The following FAM168B variants were observed in gnomAD, a reference collection of about 807,000 sequenced individuals.
FAM168B encodes the protein myelin-associated neurite-outgrowth inhibitor.
A neutral mutation model predicts 21.8 loss-of-function variants in FAM168B; 19 were observed. The observed-to-expected ratio is 0.87, with a 90% CI of 0.61 to 1.28. FAM168B has a LOEUF of 1.28. FAM168B is among the 50% of genes most tolerant of loss of function. The pLI is 0.00. For missense variants in FAM168B, 233 were observed against 263.1 expected (o/e 0.89, Z 0.79); for synonymous variants, 126 against 104.8 (o/e 1.20, Z -1.24).
intron 3 of FAM168B, among the ~76,000 whole-genome samples, chr2:131,068,686 C>A (rs1692696689): frequency 6.6e-6 from 1 of 152,116 alleles, no homozygotes; most frequent in Admixed American, 6.6e-5. Context: ...ACAACACAGG[C>A]CTTACCTCCC....
rs545452874 is a variant in FAM168B, at chr2:131,061,869, C to A, written c.155-6174G>T. Among the ~76,000 whole-genome samples the A allele has an allele frequency of 2.0e-5, 3 of 151,954 alleles. No individual in the cohort carries two copies. In the South Asian group the frequency reaches 6.3e-4, roughly 32 times the overall value. ...TCAGCAGGAAGGATTCTATAGCAGT[C>A]TGAAAGATGCTGATCTGGAAGATGG... is the stretch of plus-strand genomic sequence containing the variant. On this transcript the variant is annotated intron_variant, in intron 3 of 6. Transcript: ENST00000389915.
Position 131,051,474 on chromosome 2 carries a change from T to C in FAM168B, c.*991A>G, listed in dbSNP as rs1340904262. Reference sequence around the variant, plus strand: ...TACCTGTTTTCAGCTGATTCAAACATTTCTCCAGGAAAAAAAAAAAAAAAG... The same window carrying C: ...TACCTGTTTTCAGCTGATTCAAACACTTCTCCAGGAAAAAAAAAAAAAAAG... On this transcript the variant is annotated 3_prime_UTR_variant, in exon 7 of 7. Transcript: ENST00000389915. 1.0e-6 allele frequency: 1 copy of C among 976,870 alleles called. No homozygotes were observed. The highest frequency in any genetic ancestry group is 1.9e-5 in the African/African-American group (1 of 51,684). 60.5% of individuals were successfully genotyped at this position (976,870 alleles called of 1,614,324 possible). A position where few individuals can be genotyped will look rare whatever the true frequency, so the allele number is the denominator to read the frequency against.
At position 131,048,984 on chromosome 2, in the gene FAM168B, G is replaced by A; in HGVS notation, c.*3481C>T. ...GCTCAGAGTAACACTGTTCTCAAAT[G>A]TTTAAAAAGGACAGGTGAAGTCTGG... On this transcript the variant is annotated 3_prime_UTR_variant, in exon 7 of 7. Transcript: ENST00000389915. 2.0e-6 allele frequency: 2 copies of A among 985,656 alleles called. No individual in the cohort carries two copies. The highest frequency in any genetic ancestry group is 2.4e-6 in the Non-Finnish European group (2 of 829,942). 61.1% of individuals were successfully genotyped at this position (985,656 alleles called of 1,614,324 possible).
At chr2:131,083,551 TG>T (rs1158437635) in intron 1 of FAM168B, among the ~76,000 whole-genome samples, 1 of 152,076 alleles carries the variant, frequency 6.6e-6, no homozygotes, top group African/African-American at 2.4e-5. Flanking sequence ...AAAAAAAACA[TG>T]GGGAAAACCC....
In FAM168B at chr2:131,048,659, G is replaced by A; in HGVS notation, c.*3806C>T. ...GACCTACTGATAAAGCATGTCCTCT[G>A]CAGTATACTCAAGAGTCTGCTGCCC... On this transcript the variant is annotated 3_prime_UTR_variant, in exon 7 of 7. Coordinates refer to ENST00000389915, the MANE Select transcript of FAM168B (RefSeq NM_001009993.4). 3.9e-6 allele frequency: 4 copies of A among 1,013,702 alleles called. No individual in the cohort carries two copies. In the South Asian group the frequency reaches 1.6e-4, roughly 40 times the overall value. The allele number at this position is 1,013,702 out of a possible 1,614,324, so 62.8% of individuals were successfully genotyped here. A position where few individuals can be genotyped will look rare whatever the true frequency, so the allele number is the denominator to read the frequency against.
chr2:131,084,298 T>A (rs1053047803), intron 1 of FAM168B, among the ~76,000 whole-genome samples: 1 of 150,510 alleles, frequency 6.6e-6, no homozygotes, highest in African/African-American at 2.4e-5. Context: ...CAAGTGATTA[T>A]CCCACCTCAG....
chr2:131,076,218 GA>G, intron 2 of FAM168B, among the ~76,000 whole-genome samples: 1 of 152,200 alleles, frequency 6.6e-6, no homozygotes, highest in African/African-American at 2.4e-5. Context: ...TCCTATTCCT[GA>G]TCTTTCTGGG....
At chr2:131,066,048 A>G (rs111507875) in intron 3 of FAM168B, among the ~76,000 whole-genome samples, 2 of 151,974 alleles carry the variant, frequency 1.3e-5, no homozygotes, top group Admixed American at 6.6e-5. Context: ...TCTAACATAC[A>G]CTACCAAACT....
chr2:131,092,555 C>T (rs79577768), intron 1 of FAM168B, among the ~76,000 whole-genome samples: 3,829 of 152,258 alleles, frequency 0.025, 71 homozygotes, highest in Non-Finnish European at 0.039. Flanking sequence ...GAAAACACTG[C>T]AAAATATTCT....
chr2:131,071,475 T>C (rs535262348), intron 3 of FAM168B, among the ~76,000 whole-genome samples: 13 of 152,332 alleles, frequency 8.5e-5, no homozygotes, highest in Admixed American at 8.5e-4. Flanking sequence ...AATACTTTTT[T>C]AAAAAATATT....
At chr2:131,060,853 C>T (rs1195929521) in intron 3 of FAM168B, among the ~76,000 whole-genome samples, 5 of 151,896 alleles carry the variant, frequency 3.3e-5, no homozygotes, top group African/African-American at 2.4e-5. Flanking sequence ...TTTCTGTATA[C>T]GTAATTTTTT....
chr2:131,078,548 A>G (rs1171441021), intron 2 of FAM168B, among the ~76,000 whole-genome samples: 1 of 152,254 alleles, frequency 6.6e-6, no homozygotes, highest in East Asian at 1.9e-4. Flanking sequence ...ATCAACTCAG[A>G]GTCAAGAGGT....
chr2:131,081,901 A>G (rs1693450083), intron 2 of FAM168B, among the ~76,000 whole-genome samples: 1 of 152,216 alleles, frequency 6.6e-6, no homozygotes, highest in Admixed American at 6.5e-5. Flanking sequence ...TCTTAGCAAC[A>G]AAGTTTTGGG....
rs1204483093 is a variant in FAM168B at position 131,093,334 on chromosome 2, T to TC, written c.-133dup. The TC allele has an allele frequency of 6.7e-6, 1 of 150,270 alleles. No individual in the cohort carries two copies. Among genetic ancestry groups the TC allele is most frequent in the Non-Finnish European group, 1.5e-5 (1 of 67,356 alleles). The allele number at this position is 150,270 out of a possible 1,614,324, so 9.3% of individuals were successfully genotyped here. A position where few individuals can be genotyped will look rare whatever the true frequency, so the allele number is the denominator to read the frequency against. The stretch of plus-strand genomic sequence containing the variant: ...ACCTGCTACGATAAGAGGCTGACCC[T>TC]CCGAGCCCCGCGTCTCCGCCGCCTC... On this transcript the variant is annotated 5_prime_UTR_variant, in exon 1 of 7. Transcript: ENST00000389915.
chr2:131,062,610 G>C (rs1023874900), intron 3 of FAM168B, among the ~76,000 whole-genome samples: 14 of 152,220 alleles, frequency 9.2e-5, no homozygotes, highest in Non-Finnish European at 4.4e-5. Context: ...ACCATGCTTA[G>C]CTAATTTTTG....
intron 1 of FAM168B, among the ~76,000 whole-genome samples, chr2:131,088,464 T>C (rs1448382630): frequency 6.6e-6 from 1 of 152,078 alleles, no homozygotes; most frequent in Non-Finnish European, 1.5e-5. Flanking sequence ...TAAATTAAAA[T>C]AGATATAGAC....
In FAM168B at chr2:131,051,908, C is replaced by T. The variant is rs991990041; in HGVS notation, c.*557G>A. 3.0e-6 allele frequency: 3 copies of T among 985,312 alleles called. No homozygotes were observed. Among genetic ancestry groups the T allele is most frequent in the Admixed American group, 6.2e-5 (1 of 16,254 alleles). The allele number at this position is 985,312 out of a possible 1,614,324, so 61.0% of individuals were successfully genotyped here. A position where few individuals can be genotyped will look rare whatever the true frequency, so the allele number is the denominator to read the frequency against. The stretch of plus-strand genomic sequence containing the variant: ...GACAGTCAGTGCCAAAGAAACAGGT[C>T]GCTGAAAACTAAAATGTCCACATCC... On this transcript the variant is annotated 3_prime_UTR_variant, in exon 7 of 7. Coordinates refer to ENST00000389915, the MANE Select transcript of FAM168B (RefSeq NM_001009993.4).
chr2:131,088,160 C>T (rs931655901), intron 1 of FAM168B, among the ~76,000 whole-genome samples: 3 of 152,106 alleles, frequency 2.0e-5, no homozygotes, highest in African/African-American at 4.8e-5. Context: ...GCATGAGAAC[C>T]GCTTCAACCT....
intron 5 of FAM168B, among the ~76,000 whole-genome samples, chr2:131,053,974 C>T (rs1297530476): frequency 6.6e-6 from 1 of 152,146 alleles, no homozygotes; most frequent in East Asian, 1.9e-4. Context: ...GAGGCCGAGG[C>T]AGGTGGATCA....
Sources: gnomAD v4.1 joint callset for allele counts (sites outside exome capture counted in the v4.1 genomes callset) on GRCh38, gnomAD v4.1.1 for gene constraint, MANE v1.5 for transcripts, NCBI Gene and HGNC (gene_info 2026-07-23, HGNC 2026-07-21) for gene names.